The following PIAS4 variants were observed in gnomAD, a reference collection of about 807,000 sequenced individuals.
PIAS4 encodes the protein protein inhibitor of activated STAT 4.
PIAS4 carries 7 observed loss-of-function variants against 58.0 expected under a neutral mutation model. The ratio of observed to expected loss-of-function variants is 0.12; its 90% CI spans 0.07 to 0.23. PIAS4 has a LOEUF of 0.23. Ranked by LOEUF, PIAS4 falls within the 10% of genes least tolerant of loss-of-function variation. The pLI, the probability that PIAS4 is intolerant of heterozygous loss-of-function variation, is 1.00. For missense variants in PIAS4, 550 were observed against 709.5 expected (o/e 0.78, Z 2.55); for synonymous variants, 364 against 312.4 (o/e 1.17, Z -1.74).
chr19:4,029,647 G>A (rs1188637394), intron 7 of PIAS4, among the ~76,000 whole-genome samples: 1 of 151,390 alleles, frequency 6.6e-6, no homozygotes, highest in African/African-American at 2.4e-5. Context: ...GCTGCAGAGC[G>A]AGACTCCACC....
intron 9 of PIAS4, among the ~76,000 whole-genome samples, chr19:4,036,921 C>A (rs1320550722): frequency 6.6e-6 from 1 of 151,746 alleles, no homozygotes; most frequent in Non-Finnish European, 1.5e-5. Flanking sequence ...CGTGTGTACA[C>A]ATGCTCACAC....
Position 4,008,630 on chromosome 19 carries a change from G to A in PIAS4, c.27+843G>A, listed in dbSNP as rs184884180. Among the ~76,000 whole-genome samples, 10 of 151,984 alleles carry A rather than the reference G, an allele frequency of 6.6e-5. No homozygotes were observed. In the East Asian group the frequency reaches 1.9e-3, roughly 29 times the overall value. On this transcript the variant is annotated intron_variant, in intron 1 of 10. Transcript: ENST00000262971. Reference sequence around the variant, plus strand: ...CTGGACTGTGCTTTGGTCCTACCTCGTTCCTCTCGGGACAGAATCTGAGGC... The same window carrying A: ...CTGGACTGTGCTTTGGTCCTACCTCATTCCTCTCGGGACAGAATCTGAGGC...
At position 4,038,581 on chromosome 19, in the gene PIAS4, C is replaced by G. The variant is rs983278914; in HGVS notation, c.*706C>G. On this transcript the variant is annotated 3_prime_UTR_variant, in exon 11 of 11. Transcript: ENST00000262971. This position sits in a 1 kb window ranked among gnomAD's most constrained non-coding sequence, Gnocchi z 4.1. ...AAGACCCGGCGTGTGGTCAGGAACC[C>G]CCGGGGAAGGCGGGGGCCCAGGGTG... The G allele has an allele frequency of 6.6e-6, 1 of 152,140 alleles. No individual in the cohort carries two copies. The highest frequency in any genetic ancestry group is 2.4e-5 in the African/African-American group (1 of 41,388). The allele number at this position is 152,140 out of a possible 1,614,324, so 9.4% of individuals were successfully genotyped here.
intron 1 of PIAS4, among the ~76,000 whole-genome samples, chr19:4,009,684 C>T (rs1009818210): frequency 5.9e-5 from 9 of 152,164 alleles, no homozygotes; most frequent in Non-Finnish European, 1.2e-4. Flanking sequence ...CTGTTGCTAC[C>T]TCTCCAAGTA....
At chr19:4,034,630 T>TCTGTTCC (rs2040257371) in intron 9 of PIAS4, among the ~76,000 whole-genome samples, 1 of 152,222 alleles carries the variant, frequency 6.6e-6, no homozygotes, top group South Asian at 2.1e-4. Context: ...GAATGGCTGC[T>TCTGTTCC]CTGTTCCCAG....
At chr19:4,030,960 G>A (rs1240805930) in intron 7 of PIAS4, among the ~76,000 whole-genome samples, 2 of 152,200 alleles carry the variant, frequency 1.3e-5, no homozygotes, top group African/African-American at 2.4e-5. Context: ...CCAGGCTGAC[G>A]AGAGGGCGGT....
At chr19:4,011,661 T>G (rs2039993833) in intron 1 of PIAS4, among the ~76,000 whole-genome samples, 1 of 136,820 alleles carries the variant, frequency 7.3e-6, no homozygotes, top group Non-Finnish European at 1.6e-5. Context: ...GTGTGTTTGG[T>G]GTGGAGGTGT....
At chr19:4,021,288 A>G in intron 2 of PIAS4, among the ~76,000 whole-genome samples, 1 of 152,182 alleles carries the variant, frequency 6.6e-6, no homozygotes, top group Non-Finnish European at 1.5e-5. Context: ...AGCTGGGATT[A>G]GAGGCGTGTG....
At chr19:4,009,399 T>G (rs1216598655) in intron 1 of PIAS4, among the ~76,000 whole-genome samples, 1 of 152,164 alleles carries the variant, frequency 6.6e-6, no homozygotes, top group Non-Finnish European at 1.5e-5. Flanking sequence ...GCTCTGGGCT[T>G]GAAGTGTCCT....
At chr19:4,014,629 G>C (rs543035840) in intron 2 of PIAS4, among the ~76,000 whole-genome samples, 1 of 152,354 alleles carries the variant, frequency 6.6e-6, no homozygotes, top group South Asian at 2.1e-4. Flanking sequence ...TGGGCACCAG[G>C]CGTGGGCACG....
In PIAS4 at chr19:4,015,953, A is replaced by T. The variant is rs981372412; in HGVS notation, c.454+2604A>T. ...CTGCAGGGGCCTCAGGCTGTAGGTG[A>T]TCGGCTCCAGTGGGAGGTGCCGTGT... On this transcript the variant is annotated intron_variant, in intron 2 of 10. Transcript: ENST00000262971. 4.6e-5 allele frequency among the ~76,000 whole-genome samples: 7 copies of T among 152,302 alleles called. 1 individual carries two copies. Among genetic ancestry groups the T allele is most frequent in the Admixed American group, 2.0e-4 (3 of 15,302 alleles).
chr19:4,026,931 T>C (rs1421890961), intron 3 of PIAS4, among the ~76,000 whole-genome samples: 1 of 151,912 alleles, frequency 6.6e-6, no homozygotes, highest in Non-Finnish European at 1.5e-5. Flanking sequence ...CACTGCAAGC[T>C]CTGCCTCCTG....
intron 9 of PIAS4, among the ~76,000 whole-genome samples, chr19:4,035,658 G>A (rs2040267044): frequency 6.7e-6 from 1 of 150,210 alleles, no homozygotes. Flanking sequence ...ACTCCAGCCT[G>A]TTTCCTGATC....
At chr19:4,019,294 C>T (rs1373002674) in intron 2 of PIAS4, among the ~76,000 whole-genome samples, 2 of 152,154 alleles carry the variant, frequency 1.3e-5, no homozygotes, top group Admixed American at 6.5e-5. Flanking sequence ...AGTGGCACAG[C>T]AGTGAGAGCA....
At chr19:4,033,639 GCA>G (rs1278403057) in intron 9 of PIAS4, 59 bp downstream of exon 9, 1 of 1,424,418 alleles carries the variant, frequency 7.0e-7, no homozygotes, top group African/African-American at 1.4e-5. Flanking sequence ...GGTCTCGGTG[GCA>G]CCCCGCTTCC....
chr19:4,020,707 A>T (rs2040101222), intron 2 of PIAS4, among the ~76,000 whole-genome samples: 1 of 152,046 alleles, frequency 6.6e-6, no homozygotes, highest in South Asian at 2.1e-4. Flanking sequence ...CAGTCCTCTC[A>T]CCTCAGCCTC....
rs139462536 is a variant in PIAS4 at position 4,021,257 on chromosome 19, A to G, written c.455-2779A>G. On this transcript the variant is annotated intron_variant, in intron 2 of 10. Coordinates refer to ENST00000262971, the MANE Select transcript of PIAS4 (RefSeq NM_015897.4). ...AACCTCCGCCTTCTGGGTTTAAGCGATTCTCCTCAGCCTCCCGAGTAGCTG... is the reference window on the plus strand; with the variant it reads ...AACCTCCGCCTTCTGGGTTTAAGCGGTTCTCCTCAGCCTCCCGAGTAGCTG... Among the ~76,000 whole-genome samples the G allele has an allele frequency of 8.6e-4, 131 of 152,084 alleles. 2 individuals are homozygous for G. In the East Asian group the frequency reaches 0.017, roughly 20 times the overall value.
intron 3 of PIAS4, among the ~76,000 whole-genome samples, chr19:4,024,550 G>A (rs10413387): frequency 0.052 from 7,946 of 152,272 alleles, 693 homozygotes; most frequent in African/African-American, 0.18. Flanking sequence ...CTGGGTTAGG[G>A]GATTCCACGT....
At position 4,038,947 on chromosome 19, in the gene PIAS4, T is replaced by TC. The variant is rs1157212811; in HGVS notation, c.*1075dup. On this transcript the variant is annotated 3_prime_UTR_variant, in exon 11 of 11. Transcript: ENST00000262971. This position sits in a 1 kb window ranked among gnomAD's most constrained non-coding sequence, Gnocchi z 4.1. ...GGGCCTCCTTCCTGTCCCCAGGCGT[T>TC]CCCGGCCCCTCGCAGGCCCCACCCA... 1 of 152,468 alleles carries TC rather than the reference T, an allele frequency of 6.6e-6. No homozygotes were observed. The highest frequency in any genetic ancestry group is 1.5e-5 in the Non-Finnish European group (1 of 68,248). The allele number at this position is 152,468 out of a possible 1,614,324, so 9.4% of individuals were successfully genotyped here. A position where few individuals can be genotyped will look rare whatever the true frequency, so the allele number is the denominator to read the frequency against.
Sources: gnomAD v4.1 joint callset for allele counts (sites outside exome capture counted in the v4.1 genomes callset) on GRCh38, gnomAD v4.1.1 for gene constraint, Gnocchi (gnomAD v3.1) non-coding constraint, MANE v1.5 for transcripts, NCBI Gene and HGNC (gene_info 2026-07-23, HGNC 2026-07-21) for gene names.